NIBAN2: variants seen among roughly 807,000 people sequenced by gnomAD.
NIBAN2 encodes niban apoptosis regulator 2.
A neutral mutation model predicts 81.8 loss-of-function variants in NIBAN2; 36 were observed. The ratio of observed to expected loss-of-function variants is 0.44; its 90% CI spans 0.34 to 0.58. The LOEUF (loss-of-function observed/expected upper bound fraction) is 0.58. Among genes scored for constraint, NIBAN2 ranks in the 20% least tolerant of loss-of-function variants. The pLI, the probability that NIBAN2 is intolerant of heterozygous loss-of-function variation, is 0.02. For synonymous variants in NIBAN2, 445 were observed against 441.6 expected (o/e 1.01, Z -0.10); for missense variants, 897 against 1,014.1 (o/e 0.88, Z 1.57).
intron 1 of NIBAN2, among the ~76,000 whole-genome samples, chr9:127,551,625 G>C (rs1001075365): frequency 8.6e-5 from 13 of 151,960 alleles, no homozygotes; most frequent in Non-Finnish European, 1.6e-4. Flanking sequence ...TGAGGCAGGA[G>C]AATTGCTAGA....
upstream of NIBAN2, among the ~76,000 whole-genome samples, chr9:127,573,298 G>A (rs1383641763): frequency 2.0e-5 from 3 of 151,698 alleles, no homozygotes; most frequent in Non-Finnish European, 4.4e-5. Flanking sequence ...TGAGCATCCA[G>A]AACAGAATTT....
intron 5 of NIBAN2, 131 bp from the exon 6 acceptor site, chr9:127,518,072 C>T (rs1182973043): frequency 5.0e-6 from 3 of 601,040 alleles, no homozygotes; most frequent in Non-Finnish European, 2.9e-6. Context: ...CTGGGACCCT[C>T]ACTTTCCTCG....
At chr9:127,554,652 C>A (rs1055254722) in intron 1 of NIBAN2, among the ~76,000 whole-genome samples, 1 of 149,554 alleles carries the variant, frequency 6.7e-6, no homozygotes, top group Non-Finnish European at 1.5e-5. Context: ...TCTCAGCCTC[C>A]CAAGTTAAAG....
intron 1 of NIBAN2, among the ~76,000 whole-genome samples, chr9:127,546,726 G>T (rs1837477932): frequency 6.6e-6 from 1 of 152,132 alleles, no homozygotes; most frequent in Non-Finnish European, 1.5e-5. Flanking sequence ...TCATCACGAT[G>T]GCCAAGAAAG....
chr9:127,564,462 T>C (rs1366490577), intron 1 of NIBAN2, among the ~76,000 whole-genome samples: 5 of 152,102 alleles, frequency 3.3e-5, no homozygotes, highest in African/African-American at 1.2e-4. Context: ...AAACCATCCA[T>C]GCACAGAAAC....
intron 1 of NIBAN2, among the ~76,000 whole-genome samples, chr9:127,548,779 T>C (rs1588178425): frequency 6.6e-6 from 1 of 152,156 alleles, no homozygotes; most frequent in African/African-American, 2.4e-5. Flanking sequence ...GGAGGACTTG[T>C]TCCTCTCCCC....
intron 1 of NIBAN2, among the ~76,000 whole-genome samples, chr9:127,566,107 G>A (rs1837854862): frequency 6.6e-6 from 1 of 152,108 alleles, no homozygotes; most frequent in African/African-American, 2.4e-5. Flanking sequence ...ACTCCAGCCT[G>A]GGTGACAGAG....
chr9:127,574,422 T>G (rs746903884), intron 1 of NIBAN2, among the ~76,000 whole-genome samples: 2 of 152,004 alleles, frequency 1.3e-5, no homozygotes, highest in Non-Finnish European at 2.9e-5. Context: ...GGGCGAAGAA[T>G]AATAATATTT....
intron 3 of NIBAN2, among the ~76,000 whole-genome samples, chr9:127,525,848 T>C (rs1323088131): frequency 1.3e-5 from 2 of 152,224 alleles, no homozygotes; most frequent in Admixed American, 6.5e-5. Context: ...ACCATTACCC[T>C]GAACTGCCCC....
At chr9:127,522,357 C>T (rs527901272) in intron 5 of NIBAN2, among the ~76,000 whole-genome samples, 1 of 152,202 alleles carries the variant, frequency 6.6e-6, no homozygotes, top group Non-Finnish European at 1.5e-5. Flanking sequence ...CAACCTTCCA[C>T]CTCTGCACCA....
chr9:127,515,534 A>C (rs938142666), intron 8 of NIBAN2, among the ~76,000 whole-genome samples: 7 of 67,966 alleles, frequency 1.0e-4, no homozygotes, highest in East Asian at 7.9e-4. Context: ...AAAAAAAAAA[A>C]AAAAACAAAC....
upstream of NIBAN2, among the ~76,000 whole-genome samples, chr9:127,572,780 C>A (rs978307444): frequency 6.6e-6 from 1 of 151,968 alleles, no homozygotes; most frequent in Non-Finnish European, 1.5e-5. Flanking sequence ...CACGGTGGCT[C>A]ACACTCATAA....
chr9:127,556,083 C>T (rs978100143), intron 1 of NIBAN2, among the ~76,000 whole-genome samples: 1 of 152,066 alleles, frequency 6.6e-6, no homozygotes, highest in African/African-American at 2.4e-5. Flanking sequence ...GCAGAAGGGC[C>T]AGGAATAGAC....
At chr9:127,574,023 TC>T (rs1396577737), upstream of NIBAN2, among the ~76,000 whole-genome samples, 7 of 152,216 alleles carry the variant, frequency 4.6e-5, no homozygotes, top group South Asian at 2.1e-4. Context: ...TCTATCTTTT[TC>T]TTATTGATTT....
chr9:127,544,022 G>A (rs1004800238), intron 1 of NIBAN2, among the ~76,000 whole-genome samples: 3 of 151,720 alleles, frequency 2.0e-5, no homozygotes, highest in Admixed American at 6.6e-5. Flanking sequence ...TGACTTTCCC[G>A]ATACTACACA....
chr9:127,578,177 C>A, intron 1 of NIBAN2, among the ~76,000 whole-genome samples: 1 of 142,270 alleles, frequency 7.0e-6, no homozygotes, highest in African/African-American at 2.6e-5. Context: ...AGAGACAGAG[C>A]AAGACTCCAT....
chr9:127,507,885 T>C lies in NIBAN2; in HGVS notation c.1636A>G (p.Met546Val). The C allele has an allele frequency of 1.2e-6, 2 of 1,614,140 alleles. No individual in the cohort carries two copies. Among genetic ancestry groups the C allele is most frequent in the Non-Finnish European group, 1.7e-6 (2 of 1,180,008 alleles). Residue 546 changes from methionine to valine, a missense_variant, in exon 13 of 14, where the codon ATG becomes GTG. By Grantham distance (21) the Met-to-Val change is conservative (BLOSUM62 1). Around this residue, in one of 3 missense-constraint regions of NIBAN2, gnomAD observed 619 missense variants for 691.0 expected, o/e 0.90. Transcript: ENST00000373312. This position sits in a 1 kb window ranked among gnomAD's most constrained non-coding sequence, Gnocchi z 6.8. ...TYEEVVLQTV[M>V]KDILQAVKEA... ...CACCCACCCTGCAGGATGTCCTTCATGACGGTCTGCAGCACCACCTCCTCG... is the reference window on the plus strand; with the variant it reads ...CACCCACCCTGCAGGATGTCCTTCACGACGGTCTGCAGCACCACCTCCTCG...
chr9:127,567,405 G>A (rs768607384), intron 1 of NIBAN2, among the ~76,000 whole-genome samples: 4 of 152,256 alleles, frequency 2.6e-5, no homozygotes, highest in East Asian at 3.9e-4. Context: ...TTAACCCCAC[G>A]CTGGTCAGAG....
intron 1 of NIBAN2, chr9:127,561,032 T>C (rs1588188276): frequency 5.0e-6 from 4 of 803,994 alleles, no homozygotes; most frequent in Admixed American, 6.2e-5. Flanking sequence ...ACAAGTCTAG[T>C]TCTTGACACA....
Sources: allele counts gnomAD v4.1 joint callset (sites outside exome capture counted in the v4.1 genomes callset), GRCh38; gene constraint gnomAD v4.1.1; regional missense constraint gnomAD v4.1.1; non-coding constraint Gnocchi (gnomAD v3.1); transcripts MANE v1.5; gene names NCBI Gene and HGNC (gene_info 2026-07-23, HGNC 2026-07-21).